The following ATP10B variants were observed in gnomAD, a reference collection of about 807,000 sequenced individuals.
ATP10B encodes the protein phospholipid-transporting ATPase VB.
A neutral mutation model predicts 141.2 loss-of-function variants in ATP10B; 122 were observed. That is an observed-to-expected ratio of 0.86 (90% CI 0.75 to 1.00). The LOEUF (loss-of-function observed/expected upper bound fraction) is 1.00. Among genes scored for constraint, ATP10B ranks in the 50% least tolerant of loss-of-function variants. ATP10B has a pLI of 0.00. For synonymous variants in ATP10B, 685 were observed against 692.0 expected (o/e 0.99, Z 0.16); for missense variants, 1,876 against 1,825.3 (o/e 1.03, Z -0.51).
At chr5:160,805,684 G>A (rs951868633) in intron 1 of ATP10B, among the ~76,000 whole-genome samples, 1 of 152,132 alleles carries the variant, frequency 6.6e-6, no homozygotes, top group African/African-American at 2.4e-5. Context: ...TACACGGTGT[G>A]GGCAGTGGCC....
chr5:160,779,576 T>G (rs552281408), intron 2 of ATP10B, among the ~76,000 whole-genome samples: 1 of 152,250 alleles, frequency 6.6e-6, no homozygotes, highest in Middle Eastern at 3.4e-3. Context: ...ACCATGTCAG[T>G]GAGCTTGGAA....
chr5:160,788,744 GGGTAA>G (rs1172353293), intron 1 of ATP10B, among the ~76,000 whole-genome samples: 1 of 152,136 alleles, frequency 6.6e-6, no homozygotes, highest in Non-Finnish European at 1.5e-5. Context: ...TAGCTACAGT[GGGTAA>G]GGCACTGTGC....
At chr5:160,777,822 C>G (rs1246880461) in intron 2 of ATP10B, among the ~76,000 whole-genome samples, 1 of 152,062 alleles carries the variant, frequency 6.6e-6, no homozygotes, top group Non-Finnish European at 1.5e-5. Flanking sequence ...CTATAAGGAG[C>G]TGTTACATAA....
the ATP10B span, among the ~76,000 whole-genome samples, chr5:160,908,546 T>C: frequency 2.2e-4 from 34 of 152,324 alleles, 1 homozygote; most frequent in African/African-American, 7.7e-4. Flanking sequence ...AACTGACATT[T>C]CTTACTTTTT....
chr5:160,832,747 C>G (rs577100572), intron 1 of ATP10B, among the ~76,000 whole-genome samples: 161 of 152,144 alleles, frequency 1.1e-3, no homozygotes, highest in Admixed American at 2.1e-3. Context: ...ATATGATAAA[C>G]AGAGAGAGAG....
intron 2 of ATP10B, among the ~76,000 whole-genome samples, chr5:160,769,566 C>T (rs1769728695): frequency 6.6e-6 from 1 of 151,460 alleles, no homozygotes; most frequent in Non-Finnish European, 1.5e-5. Flanking sequence ...AATGAAAGTG[C>T]TCTTCCCTAG....
chr5:160,672,906 T>C (rs1035569505), intron 6 of ATP10B, among the ~76,000 whole-genome samples: 5 of 152,176 alleles, frequency 3.3e-5, no homozygotes, highest in Non-Finnish European at 7.3e-5. Flanking sequence ...CTTCCTAAGA[T>C]CCAATCTTCC....
At chr5:160,680,097 G>C (rs1763277746) in intron 6 of ATP10B, among the ~76,000 whole-genome samples, 1 of 152,040 alleles carries the variant, frequency 6.6e-6, no homozygotes, top group South Asian at 2.1e-4. Context: ...TTTGTAAAAA[G>C]ACATTTCCTC....
At chr5:160,668,800 A>T (rs1213763581) in intron 7 of ATP10B, among the ~76,000 whole-genome samples, 1 of 152,184 alleles carries the variant, frequency 6.6e-6, no homozygotes, top group Non-Finnish European at 1.5e-5. Context: ...TCACAGCAAA[A>T]CCATGGGATA....
chr5:160,677,804 T>C (rs1213611717), intron 6 of ATP10B, among the ~76,000 whole-genome samples: 1 of 152,230 alleles, frequency 6.6e-6, no homozygotes, highest in Non-Finnish European at 1.5e-5. Context: ...TATTTTGATG[T>C]TCAGATAGCC....
intron 6 of ATP10B, among the ~76,000 whole-genome samples, chr5:160,682,820 A>G (rs2127740763): frequency 6.6e-6 from 1 of 152,240 alleles, no homozygotes; most frequent in African/African-American, 2.4e-5. Flanking sequence ...CGGGCGGATC[A>G]CGAAGTCAGG....
rs569457820 is a variant in ATP10B, at chr5:160,826,177, T to G, written c.-576+25764A>C. The stretch of plus-strand genomic sequence containing the variant: ...TATTTTCCTTTGGGTATATACTCAG[T>G]AATGGTATTCCTGAGTTGAATGGTA... On this transcript the variant is annotated intron_variant, in intron 1 of 25. Coordinates refer to ENST00000327245, the MANE Select transcript of ATP10B (RefSeq NM_025153.3). 1.4e-4 allele frequency among the ~76,000 whole-genome samples: 22 copies of G among 152,214 alleles called. No homozygotes were observed. The South Asian group carries it at 4.6e-3, about 32-fold the overall frequency.
intron 2 of ATP10B, among the ~76,000 whole-genome samples, chr5:160,720,625 A>T (rs1765933441): frequency 6.6e-6 from 1 of 152,220 alleles, no homozygotes; most frequent in South Asian, 2.1e-4. Context: ...TCTTATTTCA[A>T]CAATTTCAGC....
At chr5:160,702,142 A>G (rs1764719701) in intron 3 of ATP10B, among the ~76,000 whole-genome samples, 1 of 152,238 alleles carries the variant, frequency 6.6e-6, no homozygotes, top group Non-Finnish European at 1.5e-5. Context: ...ACACTAAGAA[A>G]TACTTCACTT....
chr5:160,577,089 A>G (rs1012423638), intron 24 of ATP10B, among the ~76,000 whole-genome samples: 7 of 152,154 alleles, frequency 4.6e-5, no homozygotes, highest in African/African-American at 1.7e-4. Context: ...GGCATTGGGA[A>G]TGTGATGGCA....
upstream of ATP10B, among the ~76,000 whole-genome samples, chr5:160,853,332 A>G (rs1368596761): frequency 6.6e-6 from 1 of 152,130 alleles, no homozygotes; most frequent in African/African-American, 2.4e-5. Flanking sequence ...AATCACAGAT[A>G]CGGTTAAATT....
the ATP10B span, among the ~76,000 whole-genome samples, chr5:160,882,596 A>AT: frequency 1.1e-5 from 1 of 92,100 alleles, no homozygotes; most frequent in African/African-American, 2.7e-5. Flanking sequence ...AAATAAATTC[A>AT]TAAAAAAGTC....
intron 2 of ATP10B, among the ~76,000 whole-genome samples, chr5:160,717,674 T>C (rs1561784619): frequency 6.6e-6 from 1 of 152,204 alleles, no homozygotes; most frequent in Non-Finnish European, 1.5e-5. Flanking sequence ...TATTCCCATA[T>C]TACAGAAGAG....
chr5:160,772,337 A>C (rs1182526942), intron 2 of ATP10B, among the ~76,000 whole-genome samples: 1 of 152,142 alleles, frequency 6.6e-6, no homozygotes, highest in East Asian at 1.9e-4. Flanking sequence ...TTTATGTGCC[A>C]GGTTGACTTT....
Sources: allele counts gnomAD v4.1 joint callset (sites outside exome capture counted in the v4.1 genomes callset), GRCh38; gene constraint gnomAD v4.1.1; transcripts MANE v1.5; gene names NCBI Gene and HGNC (gene_info 2026-07-23, HGNC 2026-07-21).